Variants in WASF2 observed in about 807,000 individuals in gnomAD.
WASF2 encodes WASP family member 2.
In WASF2, 14 loss-of-function variants were observed where a neutral mutation model predicts 45.0. The ratio of observed to expected loss-of-function variants is 0.31; its 90% CI spans 0.21 to 0.49. The LOEUF (loss-of-function observed/expected upper bound fraction) is 0.49, where lower values mean the gene tolerates loss of function less well. Among genes scored for constraint, WASF2 ranks in the 20% least tolerant of loss-of-function variants. The probability of loss-of-function intolerance (pLI) is 0.99; values close to 1 mark genes in which losing one functional copy is unlikely to be tolerated. For synonymous variants in WASF2, 200 were observed against 236.3 expected (o/e 0.85, Z 1.41); for missense variants, 439 against 636.1 (o/e 0.69, Z 3.33).
At chr1:27,452,383 C>T (rs992158567) in intron 1 of WASF2, among the ~76,000 whole-genome samples, 5 of 151,668 alleles carry the variant, frequency 3.3e-5, no homozygotes, top group East Asian at 1.9e-4. Flanking sequence ...CGTGGTGGTG[C>T]GCACCTGTAG....
chr1:27,425,589 G>A (rs779471569), intron 2 of WASF2, among the ~76,000 whole-genome samples: 48 of 152,052 alleles, frequency 3.2e-4, no homozygotes, highest in African/African-American at 7.0e-4. Context: ...TTGTAATCCC[G>A]GCACTCTGGG....
At chr1:27,408,448 T>C in intron 8 of WASF2, 102 bp from the exon 9 acceptor site, 1 of 1,460,314 alleles carries the variant, frequency 6.8e-7, no homozygotes, top group South Asian at 1.3e-5. Flanking sequence ...TAAGTGGTAT[T>C]GGAAAGGATA....
intron 1 of WASF2, among the ~76,000 whole-genome samples, chr1:27,443,837 G>A (rs1386092660): frequency 6.6e-6 from 1 of 151,958 alleles, no homozygotes; most frequent in South Asian, 2.1e-4. Flanking sequence ...GGAGTGCAGG[G>A]GGGGGTGATC....
intron 1 of WASF2, among the ~76,000 whole-genome samples, chr1:27,446,732 G>A (rs932436114): frequency 2.6e-4 from 38 of 148,202 alleles, no homozygotes; most frequent in Admixed American, 4.1e-4. Context: ...AGTGCGCCAA[G>A]ATTGTGCCAC....
chr1:27,476,026 A>C (rs906130159), intron 1 of WASF2, among the ~76,000 whole-genome samples: 2 of 152,230 alleles, frequency 1.3e-5, no homozygotes, highest in African/African-American at 4.8e-5. Flanking sequence ...ACTGAGTTGT[A>C]TCCTTAGTAG....
At position 27,481,421 on chromosome 1, in the gene WASF2, A is replaced by AGGC. The variant is rs577835382; in HGVS notation, c.-44+8562_-44+8564dup. Among the ~76,000 whole-genome samples the AGGC allele has an allele frequency of 1.7e-3, 255 of 152,346 alleles. 1 individual carries two copies. The highest frequency in any genetic ancestry group is 3.0e-3 in the Non-Finnish European group (206 of 68,026). ...TTCTCAAAATAAGAAACTTGGGGCC[A>AGGC]GGCGTGGTGGCTCACGCCTGTAATC... On this transcript the variant is annotated intron_variant, in intron 1 of 8. Coordinates refer to ENST00000618852, the MANE Select transcript of WASF2 (RefSeq NM_006990.5).
At chr1:27,416,216 A>T in intron 4 of WASF2, 114 bp from the exon 5 acceptor site, 2 of 827,404 alleles carry the variant, frequency 2.4e-6, no homozygotes, top group Admixed American at 3.7e-5. Flanking sequence ...TCAAGAAGTC[A>T]TTTGAATCGA....
chr1:27,461,147 A>G (rs1042446049), intron 1 of WASF2, among the ~76,000 whole-genome samples: 1 of 152,146 alleles, frequency 6.6e-6, no homozygotes, highest in Non-Finnish European at 1.5e-5. Context: ...CTCCGTCTCA[A>G]AACACAAAAA....
At chr1:27,448,416 G>A (rs1379017895) in intron 1 of WASF2, among the ~76,000 whole-genome samples, 1 of 152,048 alleles carries the variant, frequency 6.6e-6, no homozygotes, top group African/African-American at 2.4e-5. Context: ...CCAAATTTGG[G>A]TATCATAAAA....
At chr1:27,409,442 A>G (rs1376537962) in intron 8 of WASF2, among the ~76,000 whole-genome samples, 3 of 150,456 alleles carry the variant, frequency 2.0e-5, no homozygotes, top group African/African-American at 4.9e-5. Context: ...AAAAAAAAAA[A>G]AAAAAAAAAA....
At chr1:27,446,801 T>C (rs1422075141) in intron 1 of WASF2, among the ~76,000 whole-genome samples, 2 of 148,520 alleles carry the variant, frequency 1.3e-5, no homozygotes, top group African/African-American at 5.0e-5. Context: ...AAAAAAAAGA[T>C]GAAGAATGTC....
intron 1 of WASF2, among the ~76,000 whole-genome samples, chr1:27,443,399 A>C (rs1366654756): frequency 6.7e-6 from 1 of 150,078 alleles, no homozygotes; most frequent in Non-Finnish European, 1.5e-5. Context: ...GGATCACCTG[A>C]GGTCAGGAGT....
In WASF2 at chr1:27,481,930, C is replaced by T. The variant is rs373644048; in HGVS notation, c.-44+8056G>A. The stretch of plus-strand genomic sequence containing the variant: ...AAATCATCATGAAAAGCAAATTTTT[C>T]TGAGATACTTCTATATCTGAACATT... On this transcript the variant is annotated intron_variant, in intron 1 of 8. Transcript: ENST00000618852. Among the ~76,000 whole-genome samples the T allele has an allele frequency of 1.0e-3, 154 of 152,236 alleles. 5 individuals carry two copies. The South Asian group carries it at 0.031, about 31-fold the overall frequency.
intron 1 of WASF2, among the ~76,000 whole-genome samples, chr1:27,455,004 T>C (rs888880790): frequency 6.6e-6 from 1 of 152,114 alleles, no homozygotes; most frequent in Non-Finnish European, 1.5e-5. Context: ...AATTTCTGGG[T>C]CACAGGGCAT....
chr1:27,434,196 C>T (rs2017102018), intron 1 of WASF2, among the ~76,000 whole-genome samples: 1 of 152,170 alleles, frequency 6.6e-6, no homozygotes. Context: ...TTCTCCAGCC[C>T]TGTGCTCTGG....
In WASF2 at chr1:27,414,682, A is replaced by T. The variant is rs2016805010; in HGVS notation, c.668+151T>A. On this transcript the variant is annotated intron_variant, in intron 6 of 8. Coordinates refer to ENST00000618852, the MANE Select transcript of WASF2 (RefSeq NM_006990.5). This position sits in a 1 kb window ranked among gnomAD's most constrained non-coding sequence, Gnocchi z 4.1. ...TTAGCAAATTTTCATCACCAGATGG[A>T]TGCACTTTAAAGTAGCTGATTAACA... 2 of 1,005,092 alleles carry T rather than the reference A, an allele frequency of 2.0e-6. No individual in the cohort carries two copies. Among genetic ancestry groups the T allele is most frequent in the South Asian group, 4.1e-5 (2 of 48,878 alleles). 62.3% of individuals were successfully genotyped at this position (1,005,092 alleles called of 1,614,324 possible). A position where few individuals can be genotyped will look rare whatever the true frequency, so the allele number is the denominator to read the frequency against.
intron 1 of WASF2, among the ~76,000 whole-genome samples, chr1:27,430,933 G>C (rs1329874750): frequency 6.6e-6 from 1 of 151,904 alleles, no homozygotes; most frequent in Non-Finnish European, 1.5e-5. Context: ...CAGACATATT[G>C]TCTGACCAAA....
intron 1 of WASF2, among the ~76,000 whole-genome samples, chr1:27,473,915 C>T (rs952130820): frequency 1.3e-5 from 2 of 152,224 alleles, no homozygotes; most frequent in African/African-American, 2.4e-5. Context: ...ATCAATCACA[C>T]ACGCACCCAC....
chr1:27,436,897 A>G (rs892978550), intron 1 of WASF2, among the ~76,000 whole-genome samples: 30 of 152,218 alleles, frequency 2.0e-4, no homozygotes, highest in Admixed American at 8.5e-4. Flanking sequence ...TCTAAAAGAG[A>G]TATTTCCAAT....
Sources: gnomAD v4.1 joint callset for allele counts (sites outside exome capture counted in the v4.1 genomes callset) on GRCh38, gnomAD v4.1.1 for gene constraint, Gnocchi (gnomAD v3.1) non-coding constraint, MANE v1.5 for transcripts, NCBI Gene and HGNC (gene_info 2026-07-23, HGNC 2026-07-21) for gene names.